AKNAD1: variants seen among roughly 807,000 people sequenced by gnomAD.
AKNAD1 encodes AKNA domain containing 1.
In AKNAD1, 67 loss-of-function variants were observed where a neutral mutation model predicts 90.8. The ratio of observed to expected loss-of-function variants is 0.74; its 90% CI spans 0.61 to 0.90. AKNAD1 has a LOEUF of 0.90. AKNAD1 is among the 40% of genes least tolerant of loss of function. AKNAD1 has a pLI of 0.00. For missense variants in AKNAD1, 957 were observed against 975.4 expected (o/e 0.98, Z 0.25); for synonymous variants, 327 against 341.4 (o/e 0.96, Z 0.46).
intron 14 of AKNAD1, among the ~76,000 whole-genome samples, chr1:108,818,210 A>G (rs1663689109): frequency 6.6e-6 from 1 of 152,218 alleles, no homozygotes; most frequent in Non-Finnish European, 1.5e-5. Flanking sequence ...AGCCACCCTC[A>G]CAGCTTCCTC....
chr1:108,840,823 G>A (rs1664532147), intron 6 of AKNAD1, among the ~76,000 whole-genome samples: 1 of 152,102 alleles, frequency 6.6e-6, no homozygotes, highest in Non-Finnish European at 1.5e-5. Flanking sequence ...AAACTATGTT[G>A]GGATCTTGCA....
chr1:108,847,132 C>T lies in AKNAD1; in HGVS notation c.1245+1620G>A, dbSNP rs546466605. 2.0e-5 allele frequency among the ~76,000 whole-genome samples: 3 copies of T among 152,242 alleles called. No homozygotes were observed. In the South Asian group the frequency reaches 6.2e-4, roughly 32 times the overall value. On this transcript the variant is annotated intron_variant, in intron 5 of 15. Coordinates refer to ENST00000370001, the MANE Select transcript of AKNAD1 (RefSeq NM_152763.5). ...TGCCTTCAGCCTTGCCCCCATGGTG[C>T]TTCCCATTTGTCAGCTTGAAAACCT...
chr1:108,822,056 G>T (rs371325807), intron 13 of AKNAD1, among the ~76,000 whole-genome samples: 61 of 152,222 alleles, frequency 4.0e-4, no homozygotes, highest in African/African-American at 1.4e-3. Flanking sequence ...GGGGCATGAT[G>T]AAGAGGCACT....
In AKNAD1 at chr1:108,827,552, C is replaced by G. The variant is rs529502673; in HGVS notation, c.1839-250G>C. On this transcript the variant is annotated intron_variant, in intron 10 of 15. Transcript: ENST00000370001. Reference sequence around the variant, plus strand: ...AAGACAGGCCAGGCGCGGTGGCTCACGCCTGTAATCCCAGCACTTTGGGAG... The same window carrying G: ...AAGACAGGCCAGGCGCGGTGGCTCAGGCCTGTAATCCCAGCACTTTGGGAG... Among the ~76,000 whole-genome samples, 41 of 151,522 alleles carry G rather than the reference C, an allele frequency of 2.7e-4. 2 individuals are homozygous for G. The South Asian group carries it at 8.5e-3, about 31-fold the overall frequency.
intron 2 of AKNAD1, among the ~76,000 whole-genome samples, chr1:108,849,801 G>A (rs1245289540): frequency 6.6e-6 from 1 of 152,058 alleles, no homozygotes; most frequent in Non-Finnish European, 1.5e-5. Flanking sequence ...AGGAAAATGG[G>A]GATAGTAAGT....
intron 10 of AKNAD1, among the ~76,000 whole-genome samples, chr1:108,829,317 C>T (rs985828129): frequency 6.6e-6 from 1 of 151,722 alleles, no homozygotes; most frequent in African/African-American, 2.4e-5. Context: ...TGGTCCCTGT[C>T]TTGGTACTTA....
rs1219947034 is a variant in AKNAD1 at position 108,820,529 on chromosome 1, A to G, written c.2249+16T>C. 2 of 1,541,482 alleles carry G rather than the reference A, an allele frequency of 1.3e-6. No homozygotes were observed. The highest frequency in any genetic ancestry group is 1.4e-5 in the African/African-American group (1 of 73,356). ...AATGAGAAATATTTTGTTACTGATA[A>G]TGAAATAATACTTACTTTCCTGGTG... is the stretch of plus-strand genomic sequence containing the variant. On this transcript the variant is annotated intron_variant, in intron 14 of 15. Coordinates refer to ENST00000370001, the MANE Select transcript of AKNAD1 (RefSeq NM_152763.5).
chr1:108,830,070 G>C (rs1664137396), intron 10 of AKNAD1, among the ~76,000 whole-genome samples: 2 of 152,136 alleles, frequency 1.3e-5, no homozygotes, highest in African/African-American at 4.8e-5. Context: ...GGGACTGGGG[G>C]GCTCAGGTGA....
In AKNAD1 at chr1:108,830,620, C is replaced by T. The variant is rs764468459; in HGVS notation, c.1777G>A (p.Asp593Asn). ...EDPNGTPRRQ[D>N]CAEMTAPSPS... The stretch of plus-strand genomic sequence containing the variant: ...CTGGGTGCCGTCATCTCTGCACAAT[C>T]CTGCCTTCTTGGAGTGCCGTTGGGA... Residue 593 changes from aspartate to asparagine, a missense_variant, in exon 10 of 16, where the codon GAT (aspartate) becomes AAT (asparagine). By Grantham distance (23) the Asp-to-Asn change is conservative. Coordinates refer to ENST00000370001, the MANE Select transcript of AKNAD1 (RefSeq NM_152763.5). 2.5e-6 allele frequency: 4 copies of T among 1,614,166 alleles called. No individual in the cohort carries two copies. The highest frequency in any genetic ancestry group is 8.5e-7 in the Non-Finnish European group (1 of 1,180,040).
Position 108,827,191 on chromosome 1 carries a change from G to A in AKNAD1, c.1936+14C>T, listed in dbSNP as rs376391474. 12 of 1,597,154 alleles carry A rather than the reference G, an allele frequency of 7.5e-6. No individual in the cohort carries two copies. In the African/African-American group the frequency reaches 8.0e-5, roughly 11 times the overall value. On this transcript the variant is annotated intron_variant, in intron 11 of 15. Coordinates refer to ENST00000370001, the MANE Select transcript of AKNAD1 (RefSeq NM_152763.5). ...ACTGAAAAATGAGCACCCAGCCCAAGCCCATCAACTTACTGGGAGTTGAAT... is the reference window on the plus strand; with the variant it reads ...ACTGAAAAATGAGCACCCAGCCCAAACCCATCAACTTACTGGGAGTTGAAT...
At chr1:108,844,900 C>T (rs1664659490) in intron 5 of AKNAD1, among the ~76,000 whole-genome samples, 1 of 151,376 alleles carries the variant, frequency 6.6e-6, no homozygotes, top group African/African-American at 2.4e-5. Context: ...CTCACTGTAA[C>T]TTCTACCTCC....
chr1:108,849,235 C>G (rs777705549), intron 3 of AKNAD1, among the ~76,000 whole-genome samples, 175 bp from the exon 4 acceptor site: 1 of 152,108 alleles, frequency 6.6e-6, no homozygotes, highest in Admixed American at 6.6e-5. Flanking sequence ...AATCCCAGCA[C>G]TTTGGGAGGC....
intron 13 of AKNAD1, chr1:108,823,041 G>C: frequency 1.6e-6 from 1 of 622,908 alleles, no homozygotes; most frequent in Non-Finnish European, 2.9e-6. Context: ...CCTCTGAATA[G>C]TAACAATAAT....
At chr1:108,829,348 G>GA (rs34282360) in intron 10 of AKNAD1, among the ~76,000 whole-genome samples, 20,354 of 151,964 alleles carry the variant, frequency 0.13, 1,586 homozygotes, top group African/African-American at 0.18. Context: ...GTAGGGTCTA[G>GA]ACTAGGAATT....
At chr1:108,853,567 C>T (rs941520721) in intron 1 of AKNAD1, among the ~76,000 whole-genome samples, 14 of 152,178 alleles carry the variant, frequency 9.2e-5, no homozygotes, top group South Asian at 2.1e-4. Context: ...TCACCTGTCC[C>T]TCCAGACCTT....
chr1:108,852,373 G>C lies in AKNAD1; in HGVS notation c.292C>G (p.Pro98Ala). ...EKQCTAALHI[P>A]ANEGDASKSS... ...TTAGAAGCGTCTCCTTCATTTGCTGGAATATGAAGAGCTGCAGTGCATTGT... is the reference window on the plus strand; with the variant it reads ...TTAGAAGCGTCTCCTTCATTTGCTGCAATATGAAGAGCTGCAGTGCATTGT... The change falls in exon 2 of 16, where the codon CCA becomes GCA. Residue 98 changes from proline (P) to alanine (A), a missense_variant. Physicochemically the swap from Pro to Ala is conservative, Grantham distance 27 (BLOSUM62 -1). Coordinates refer to ENST00000370001, the MANE Select transcript of AKNAD1 (RefSeq NM_152763.5). 6.2e-7 allele frequency: 1 copy of C among 1,613,960 alleles called. No homozygotes were observed. The highest frequency in any genetic ancestry group is 8.5e-7 in the Non-Finnish European group (1 of 1,179,972).
chr1:108,822,310 G>T (rs567999590), intron 13 of AKNAD1, among the ~76,000 whole-genome samples: 12 of 152,292 alleles, frequency 7.9e-5, no homozygotes, highest in African/African-American at 2.6e-4. Flanking sequence ...TGGAGGAAAA[G>T]CTGCCTCCTT....
In AKNAD1 at chr1:108,851,797, A is replaced by G. The variant is rs754173522; in HGVS notation, c.868T>C (p.Ser290Pro). The part of the protein sequence containing the change: ...LAIAKQASFS[S>P]KSRDKPTLVQ... ...AGAGTGGGTTTATCTCTCGACTTGGAAGAAAAGCTGGCTTGTTTAGCTATT... is the reference window on the plus strand; with the variant it reads ...AGAGTGGGTTTATCTCTCGACTTGGGAGAAAAGCTGGCTTGTTTAGCTATT... The change falls in exon 2 of 16, where the codon TCC (serine) becomes CCC (proline). Residue 290 changes from serine to proline, a missense_variant. Transcript: ENST00000370001. 6 of 1,614,200 alleles carry G rather than the reference A, an allele frequency of 3.7e-6. 1 individual carries two copies. In the South Asian group the frequency reaches 5.5e-5, roughly 15 times the overall value.
intron 10 of AKNAD1, 51 bp from the exon 11 acceptor site, chr1:108,827,353 A>T (rs1664037028): frequency 2.9e-6 from 4 of 1,357,768 alleles, no homozygotes; most frequent in Non-Finnish European, 4.2e-6. Flanking sequence ...TTTCCAATAG[A>T]TAGGGAAAGT....
Sources: allele counts gnomAD v4.1 joint callset (sites outside exome capture counted in the v4.1 genomes callset), GRCh38; gene constraint gnomAD v4.1.1; transcripts MANE v1.5; gene names NCBI Gene and HGNC (gene_info 2026-07-23, HGNC 2026-07-21).